ROPN1L: variants seen among roughly 807,000 people sequenced by gnomAD.
ROPN1L encodes rhophilin associated tail protein 1 like.
Under a neutral mutation model 22.7 loss-of-function variants are expected in ROPN1L, and 23 were observed. The observed-to-expected ratio is 1.01, with a 90% CI of 0.73 to 1.43. The LOEUF (loss-of-function observed/expected upper bound fraction) is 1.43, where lower values mean the gene tolerates loss of function less well. ROPN1L is among the 40% of genes most tolerant of loss of function. ROPN1L has a pLI of 0.00. For missense variants in ROPN1L, 271 were observed against 291.5 expected (o/e 0.93, Z 0.51); for synonymous variants, 116 against 117.8 (o/e 0.98, Z 0.10).
In ROPN1L at chr5:10,462,899, C is replaced by CAAT. The variant is rs1369992230; in HGVS notation, c.593+1542_593+1543insTAA. Among the ~76,000 whole-genome samples, 72 of 23,718 alleles carry CAAT rather than the reference C, an allele frequency of 3.0e-3. 1 individual carries two copies. The highest frequency in any genetic ancestry group is 1.2e-3 in the Non-Finnish European group (12 of 9,780). The allele number at this position is 23,718 out of a possible 152,430, so 15.6% of individuals were successfully genotyped here. ...ATCGAGACTCCGTCTCAAATAATAA[C>CAAT]AACAATAATAATAATAATAATAATA... On this transcript the variant is annotated intron_variant, in intron 4 of 4. Transcript: ENST00000274134.
downstream of ROPN1L, among the ~76,000 whole-genome samples, chr5:10,475,094 A>G (rs77760219): frequency 9.5e-3 from 1,444 of 152,298 alleles, 24 homozygotes; most frequent in African/African-American, 0.032. Context: ...GCTTTGTAGC[A>G]GAAAACCTCC....
intron 1 of ROPN1L, among the ~76,000 whole-genome samples, chr5:10,444,161 G>A (rs560151835): frequency 2.0e-5 from 3 of 152,270 alleles, no homozygotes; most frequent in Admixed American, 2.0e-4. Context: ...CATTATTCAA[G>A]CTTAAATAAA....
At chr5:10,451,897 T>G (rs1229622080) in intron 3 of ROPN1L, among the ~76,000 whole-genome samples, 1 of 151,506 alleles carries the variant, frequency 6.6e-6, no homozygotes, top group Non-Finnish European at 1.5e-5. Context: ...GAGACATTTT[T>G]ATGTCACTTT....
At chr5:10,449,071 A>G (rs775423848) in intron 2 of ROPN1L, among the ~76,000 whole-genome samples, 4 of 152,268 alleles carry the variant, frequency 2.6e-5, no homozygotes, top group African/African-American at 9.6e-5. Flanking sequence ...CGCAGGATAC[A>G]GTGAATTCTG....
At chr5:10,478,934 A>G in the ROPN1L span, among the ~76,000 whole-genome samples, 1 of 152,228 alleles carries the variant, frequency 6.6e-6, no homozygotes, top group Non-Finnish European at 1.5e-5. Flanking sequence ...TTGTAAAGAT[A>G]TGTGATGATG....
rs369208181 is a variant in ROPN1L at position 10,461,371 on chromosome 5, C to A, written c.593+12C>A. On this transcript the variant is annotated intron_variant, in intron 4 of 4. Coordinates refer to ENST00000274134, the MANE Select transcript of ROPN1L (RefSeq NM_031916.5). ...CTAAAGGAAAATATGTAAGTATGCA[C>A]CCTCTCTAGGATTCAGGTATGTTGA... The A allele has an allele frequency of 3.1e-5, 50 of 1,608,792 alleles. No individual in the cohort carries two copies. The African/African-American group carries it at 6.3e-4, about 20-fold the overall frequency.
chr5:10,454,664 G>A (rs1280953672), intron 3 of ROPN1L, among the ~76,000 whole-genome samples: 2 of 152,206 alleles, frequency 1.3e-5, no homozygotes, highest in Non-Finnish European at 2.9e-5. Flanking sequence ...AGTCACAGAA[G>A]CATCATTCTT....
intron 3 of ROPN1L, 75 bp from the exon 4 acceptor site, chr5:10,461,109 T>C: frequency 7.3e-7 from 1 of 1,379,072 alleles, no homozygotes; most frequent in East Asian, 2.3e-5. Flanking sequence ...GTGTTGATTC[T>C]GCTGATGCCT....
intron 4 of ROPN1L, among the ~76,000 whole-genome samples, chr5:10,470,226 C>T (rs1735223114): frequency 1.3e-5 from 2 of 152,128 alleles, no homozygotes; most frequent in Admixed American, 6.5e-5. Flanking sequence ...TCAGGTCCCC[C>T]GTCCTCCAAG....
chr5:10,444,825 G>A (rs182169916), intron 1 of ROPN1L, among the ~76,000 whole-genome samples: 22 of 151,710 alleles, frequency 1.5e-4, no homozygotes, highest in African/African-American at 5.1e-4. Context: ...TTTGAAACCG[G>A]GAAGCAGAGG....
downstream of ROPN1L, among the ~76,000 whole-genome samples, chr5:10,469,750 C>T (rs962219282): frequency 1.3e-5 from 2 of 152,180 alleles, no homozygotes; most frequent in Admixed American, 6.5e-5. Flanking sequence ...CTGTATTTTT[C>T]ATCTCTAAAG....
the ROPN1L span, chr5:10,479,279 T>A: frequency 6.6e-6 from 1 of 152,340 alleles, no homozygotes; most frequent in Admixed American, 6.5e-5. Flanking sequence ...ATGTAAAGAC[T>A]TGCCCAAGTT....
At chr5:10,471,191 G>A (rs1465996736) in intron 4 of ROPN1L, among the ~76,000 whole-genome samples, 1 of 152,164 alleles carries the variant, frequency 6.6e-6, no homozygotes, top group Non-Finnish European at 1.5e-5. Context: ...AGGCTGGAGT[G>A]CAGTAGTGTG....
In ROPN1L at chr5:10,450,020, G is replaced by A. The variant is rs568616771; in HGVS notation, c.324G>A (p.Lys108=). The change falls in exon 3 of 5, where the codon AAG becomes AAA. Residue 108 remains lysine (K), a synonymous_variant. Transcript: ENST00000274134. The stretch of plus-strand genomic sequence containing the variant: ...AGTGGAAGAACTTGTGCCTGCCGAA[G>A]GAAAAATTCAAAGCGCTCTTACAAC... ...EQKWKNLCLP[K]EKFKALLQLD... 2 of 1,613,912 alleles carry A rather than the reference G, an allele frequency of 1.2e-6. No individual in the cohort carries two copies. The highest frequency in any genetic ancestry group is 2.7e-5 in the African/African-American group (2 of 75,020).
chr5:10,459,725 G>A (rs1029753214), intron 3 of ROPN1L, among the ~76,000 whole-genome samples: 3 of 152,140 alleles, frequency 2.0e-5, no homozygotes, highest in South Asian at 2.1e-4. Context: ...CTGACCACCC[G>A]ATTGAAAATG....
In ROPN1L at chr5:10,445,792, G is replaced by A. The variant is rs1035696432; in HGVS notation, c.132-2468G>A. Among the ~76,000 whole-genome samples the A allele has an allele frequency of 2.6e-5, 4 of 152,312 alleles. No individual in the cohort carries two copies. In the East Asian group the frequency reaches 7.7e-4, roughly 29 times the overall value. On this transcript the variant is annotated intron_variant, in intron 1 of 4. Transcript: ENST00000274134. Reference sequence around the variant, plus strand: ...AATAAAATTAGCCGGCCATGGTGATGCATGTCTGTAATCCCAGCTATTCAG... The same window carrying A: ...AATAAAATTAGCCGGCCATGGTGATACATGTCTGTAATCCCAGCTATTCAG...
At chr5:10,479,570 C>T in the ROPN1L span, among the ~76,000 whole-genome samples, 4 of 152,128 alleles carry the variant, frequency 2.6e-5, no homozygotes, top group African/African-American at 9.7e-5. Context: ...CCTGGAAACC[C>T]GAGGGAGAGC....
At chr5:10,456,994 A>T (rs535365350) in intron 3 of ROPN1L, among the ~76,000 whole-genome samples, 1 of 152,294 alleles carries the variant, frequency 6.6e-6, no homozygotes, top group Non-Finnish European at 1.5e-5. Flanking sequence ...CCAGTGTAAA[A>T]GCAAATCCCA....
Position 10,442,107 on chromosome 5 carries a change from G to A in ROPN1L, c.-61G>A. On this transcript the variant is annotated 5_prime_UTR_variant, in exon 1 of 5. Transcript: ENST00000274134. ...CGGGTCCACCGCGTCGTAGCCGACAGCCGCCCTTCTTCCTCGCAGCGCGCC... is the reference window on the plus strand; with the variant it reads ...CGGGTCCACCGCGTCGTAGCCGACAACCGCCCTTCTTCCTCGCAGCGCGCC... 1 of 1,572,752 alleles carries A rather than the reference G, an allele frequency of 6.4e-7. No homozygotes were observed. Among genetic ancestry groups the A allele is most frequent in the East Asian group, 2.3e-5 (1 of 43,926 alleles).
Sources: allele counts gnomAD v4.1 joint callset (sites outside exome capture counted in the v4.1 genomes callset), GRCh38; gene constraint gnomAD v4.1.1; transcripts MANE v1.5; gene names NCBI Gene and HGNC (gene_info 2026-07-23, HGNC 2026-07-21).